ANO2: variants seen among roughly 807,000 people sequenced by gnomAD.
ANO2 encodes the protein anoctamin 2.
Under a neutral mutation model 124.2 loss-of-function variants are expected in ANO2, and 101 were observed. The ratio of observed to expected loss-of-function variants is 0.81; its 90% CI spans 0.69 to 0.96. The LOEUF is 0.96. Ranked by LOEUF, ANO2 falls within the 40% of genes least tolerant of loss-of-function variation. The pLI is 0.00. For missense variants in ANO2, 1,293 were observed against 1,274.5 expected, an observed-to-expected ratio of 1.01 and a Z score of -0.22; for synonymous variants, 486 against 482.5, an observed-to-expected ratio of 1.01 and a Z score of -0.09.
At chr12:5,728,085 C>T (rs1169918923) in intron 14 of ANO2, among the ~76,000 whole-genome samples, 2 of 152,110 alleles carry the variant, frequency 1.3e-5, no homozygotes, top group Non-Finnish European at 2.9e-5. Context: ...GGATTACAGG[C>T]GTGAGCCACC....
chr12:5,635,244 G>A lies in ANO2; in HGVS notation c.1724C>T (p.Thr575Ile). ...NKATRSNVRV[T>I]VTATAVIINL... ...GATGATGACTGCTGTTGCTGTCACT[G>A]TCACCCGGACATTGGAGCGTGTAGC... Residue 575 changes from threonine (T) to isoleucine (I), a missense_variant, in exon 16 of 25, where the codon ACA becomes ATA. By Grantham distance (89) the Thr-to-Ile change is moderately conservative (BLOSUM62 -1). Transcript: ENST00000682330. The surrounding 1 kb of genome is among the most constrained non-coding windows in gnomAD (Gnocchi z 5.2). The A allele has an allele frequency of 6.2e-7, 1 of 1,613,158 alleles. No individual in the cohort carries two copies. Among genetic ancestry groups the A allele is most frequent in the Non-Finnish European group, 8.5e-7 (1 of 1,179,710 alleles).
chr12:5,727,635 CTTT>C (rs34307471), intron 14 of ANO2, among the ~76,000 whole-genome samples: 11 of 64,268 alleles, frequency 1.7e-4, no homozygotes, highest in South Asian at 5.9e-4. Context: ...TCACCACTTC[CTTT>C]TTTTTTTTTT....
intron 14 of ANO2, among the ~76,000 whole-genome samples, chr12:5,679,775 T>C (rs1385038477): frequency 6.6e-6 from 1 of 152,156 alleles, no homozygotes; most frequent in Non-Finnish European, 1.5e-5. Context: ...GACCCAGCAA[T>C]CCCATTATGG....
chr12:5,654,187 A>G, intron 14 of ANO2, among the ~76,000 whole-genome samples: 1 of 152,182 alleles, frequency 6.6e-6, no homozygotes. Flanking sequence ...TACTGATCAG[A>G]TCAGTCCTGA....
At chr12:5,706,709 G>C (rs1949624160) in intron 14 of ANO2, among the ~76,000 whole-genome samples, 1 of 152,212 alleles carries the variant, frequency 6.6e-6, no homozygotes, top group South Asian at 2.1e-4. Context: ...AGCTCCTTGA[G>C]AATAGGCACT....
rs117604396 is a variant in ANO2, at chr12:5,642,836, T to C, written c.1620+4891A>G. Among the ~76,000 whole-genome samples, 427 of 152,276 alleles carry C rather than the reference T, an allele frequency of 2.8e-3. 13 individuals are homozygous for C. The East Asian group carries it at 0.052, about 19-fold the overall frequency. Reference sequence around the variant, plus strand: ...CAGCTCCAGCCACACTGTGGCTCTTTCCTGCTGTCCCTCCTGATGCCAGGC... The same window carrying C: ...CAGCTCCAGCCACACTGTGGCTCTTCCCTGCTGTCCCTCCTGATGCCAGGC... On this transcript the variant is annotated intron_variant, in intron 15 of 24. Transcript: ENST00000682330.
At chr12:5,839,942 G>C (rs1213803394) in intron 4 of ANO2, among the ~76,000 whole-genome samples, 3 of 152,094 alleles carry the variant, frequency 2.0e-5, no homozygotes, top group Non-Finnish European at 4.4e-5. Context: ...TCCATGGACT[G>C]CCCCTGAGAA....
At chr12:5,941,997 C>G (rs866931360) in intron 1 of ANO2, among the ~76,000 whole-genome samples, 14 of 152,108 alleles carry the variant, frequency 9.2e-5, no homozygotes, top group African/African-American at 2.9e-4. Context: ...AGAACTGCAC[C>G]TCTAACAATG....
rs564611130 is a variant in ANO2, at chr12:5,769,882, C to A, written c.1056-18912G>T. Among the ~76,000 whole-genome samples the A allele has an allele frequency of 4.6e-5, 7 of 152,270 alleles. No homozygotes were observed. Among genetic ancestry groups the A allele is most frequent in the African/African-American group, 1.7e-4 (7 of 41,540 alleles). ...CACAGCCCCACCTAAGGGCAGAAAG[C>A]GTGGAGAGCAGTGTGGTCTATGTTT... On this transcript the variant is annotated intron_variant, in intron 10 of 24. Coordinates refer to ENST00000682330, the MANE Select transcript of ANO2 (RefSeq NM_001364791.2). This position sits in a 1 kb window ranked among gnomAD's most constrained non-coding sequence, Gnocchi z 4.0.
chr12:5,832,740 A>G lies in ANO2; in HGVS notation c.634-137T>C, dbSNP rs1954196691. The G allele has an allele frequency of 6.8e-6, 7 of 1,034,644 alleles. No individual in the cohort carries two copies. The South Asian group carries it at 6.9e-5, about 10-fold the overall frequency. 64.1% of individuals were successfully genotyped at this position (1,034,644 alleles called of 1,614,324 possible). ...GAGGAAGAGACTGGGAGAAACAAGA[A>G]GGAGGGCCTTTCCCTTTTCCCCAGT... On this transcript the variant is annotated intron_variant, in intron 4 of 24. Coordinates refer to ENST00000682330, the MANE Select transcript of ANO2 (RefSeq NM_001364791.2).
At chr12:5,891,858 T>C (rs920316324) in intron 3 of ANO2, among the ~76,000 whole-genome samples, 3 of 152,268 alleles carry the variant, frequency 2.0e-5, no homozygotes, top group South Asian at 4.1e-4. Context: ...AACCCAGATT[T>C]CCATAACATA....
At chr12:5,776,716 G>A (rs191327012) in intron 10 of ANO2, among the ~76,000 whole-genome samples, 18 of 152,314 alleles carry the variant, frequency 1.2e-4, no homozygotes, top group Admixed American at 6.5e-4. Flanking sequence ...ATATTTTAAC[G>A]TAAGGACTAG....
chr12:5,859,989 C>A (rs543644339), intron 3 of ANO2, among the ~76,000 whole-genome samples: 4 of 152,268 alleles, frequency 2.6e-5, no homozygotes, highest in African/African-American at 7.2e-5. Context: ...CCCTCCCTAC[C>A]CCGCTTCCTC....
At chr12:5,604,830 C>A (rs550293702) in intron 19 of ANO2, among the ~76,000 whole-genome samples, 1 of 152,150 alleles carries the variant, frequency 6.6e-6, no homozygotes, top group Admixed American at 6.5e-5. Flanking sequence ...CTTTTGGAAA[C>A]CTTCAGATTA....
At chr12:5,666,064 C>A (rs776412844) in intron 14 of ANO2, among the ~76,000 whole-genome samples, 3 of 152,084 alleles carry the variant, frequency 2.0e-5, no homozygotes, top group Non-Finnish European at 4.4e-5. Context: ...AGGCCCTGGA[C>A]AAAGGGTAAC....
intron 4 of ANO2, among the ~76,000 whole-genome samples, chr12:5,851,597 A>C (rs1954909212): frequency 6.6e-6 from 1 of 151,646 alleles, no homozygotes. Context: ...AGGCAGGAGA[A>C]TTGCTTGAAC....
chr12:5,863,392 T>C (rs1485554394), intron 3 of ANO2, among the ~76,000 whole-genome samples: 1 of 152,206 alleles, frequency 6.6e-6, no homozygotes, highest in Non-Finnish European at 1.5e-5. Flanking sequence ...CCATGTAAGA[T>C]AGGCCCCGGG....
In ANO2 at chr12:5,732,658, T is replaced by C. The variant is rs139987891; in HGVS notation, c.1435-28A>G. On this transcript the variant is annotated intron_variant, in intron 13 of 24. Transcript: ENST00000682330. ...AAACCAAAGAGCAGTGAGTGGTTAG[T>C]AAACAAAAGGAAGAATGACCTTGGC... 6.9e-6 allele frequency: 11 copies of C among 1,598,582 alleles called. No homozygotes were observed. The African/African-American group carries it at 9.4e-5, about 14-fold the overall frequency.
intron 14 of ANO2, among the ~76,000 whole-genome samples, chr12:5,720,909 GA>G (rs1950208132): frequency 6.6e-6 from 1 of 152,214 alleles, no homozygotes; most frequent in South Asian, 2.1e-4. Flanking sequence ...CTGATGCTAA[GA>G]ATCAACTCTC....
Sources: allele counts gnomAD v4.1 joint callset (sites outside exome capture counted in the v4.1 genomes callset), GRCh38; gene constraint gnomAD v4.1.1; non-coding constraint Gnocchi (gnomAD v3.1); transcripts MANE v1.5; gene names NCBI Gene and HGNC (gene_info 2026-07-23, HGNC 2026-07-21).